SLC8A2: variants seen among roughly 807,000 people sequenced by gnomAD.
The protein encoded by SLC8A2 is sodium/calcium exchanger 2.
In SLC8A2, 14 loss-of-function variants were observed where a neutral mutation model predicts 70.2. That is an observed-to-expected ratio of 0.20 (90% CI 0.13 to 0.31). The LOEUF (loss-of-function observed/expected upper bound fraction) is 0.31. Ranked by LOEUF, SLC8A2 falls within the 10% of genes least tolerant of loss-of-function variation. The pLI is 1.00. For missense variants in SLC8A2, 779 were observed against 1,320.1 expected (o/e 0.59, Z 6.35); for synonymous variants, 575 against 594.3 (o/e 0.97, Z 0.47).
intron 6 of SLC8A2, among the ~76,000 whole-genome samples, chr19:47,439,622 C>CTTCCTTCCTTCCTTCCTT (rs1967075064): frequency 6.6e-6 from 1 of 150,416 alleles, no homozygotes; most frequent in African/African-American, 2.5e-5. Flanking sequence ...TCCTTTCTTC[C>CTTCCTTCCTTCCTTCCTT]TTCCTTCCTT....
intron 3 of SLC8A2, among the ~76,000 whole-genome samples, chr19:47,453,199 G>A (rs1447749128): frequency 1.3e-5 from 2 of 152,208 alleles, no homozygotes; most frequent in Non-Finnish European, 1.5e-5. Flanking sequence ...TCACAGGTGT[G>A]AACCTGTGGG....
intron 3 of SLC8A2, among the ~76,000 whole-genome samples, chr19:47,449,442 C>G (rs781510844): frequency 6.6e-6 from 1 of 152,156 alleles, no homozygotes; most frequent in Non-Finnish European, 1.5e-5. Flanking sequence ...CCACCTCAGC[C>G]TCCCGAGCAG....
chr19:47,457,827 C>CTCTT (rs371577732), intron 2 of SLC8A2, among the ~76,000 whole-genome samples: 3 of 135,816 alleles, frequency 2.2e-5, no homozygotes, highest in Non-Finnish European at 3.2e-5. Flanking sequence ...CTTTCTCTCT[C>CTCTT]TCTTTCTTTC....
Position 47,430,371 on chromosome 19 carries a change from A to G in SLC8A2, c.2484T>C (p.Leu828=), listed in dbSNP as rs1003231891. The change falls in exon 10 of 10, where the codon CTT becomes CTC. Residue 828 remains leucine, a synonymous_variant. Transcript: ENST00000236877. This position sits in a 1 kb window ranked among gnomAD's most constrained non-coding sequence, Gnocchi z 5.9. ...VTGSNAVNVF[L]GLGVAWSVAA... ...CCACAGACCAGGCGACGCCCAGGCC[A>G]AGGAACACGTTCACCGCGTTGGAGC... The G allele has an allele frequency of 1.1e-5, 18 of 1,611,766 alleles. No homozygotes were observed. Among genetic ancestry groups the G allele is most frequent in the Non-Finnish European group, 1.4e-5 (17 of 1,179,492 alleles).
chr19:47,440,691 G>C (rs1423650710), intron 6 of SLC8A2, among the ~76,000 whole-genome samples: 1 of 151,432 alleles, frequency 6.6e-6, no homozygotes, highest in Non-Finnish European at 1.5e-5. Context: ...TCCCGGGTTC[G>C]AGCGATTCTC....
At position 47,432,096 on chromosome 19, in the gene SLC8A2, G is replaced by C; in HGVS notation, c.2389+71C>G. 1.4e-6 allele frequency: 2 copies of C among 1,430,872 alleles called. No homozygotes were observed. The highest frequency in any genetic ancestry group is 1.9e-6 in the Non-Finnish European group (2 of 1,052,378). The allele number at this position is 1,430,872 out of a possible 1,614,324, so 88.6% of individuals were successfully genotyped here. A position where few individuals can be genotyped will look rare whatever the true frequency, so the allele number is the denominator to read the frequency against. ...TGTGTGACTCCACCCACCTCATTTT[G>C]GCAGGATCCTGTGTTGCCCCTGCCT... On this transcript the variant is annotated intron_variant, in intron 9 of 9. Transcript: ENST00000236877. The surrounding 1 kb of genome is among the most constrained non-coding windows in gnomAD (Gnocchi z 6.2).
At chr19:47,438,000 C>A in intron 6 of SLC8A2, 27 bp from the exon 7 acceptor site, 1 of 1,613,710 alleles carries the variant, frequency 6.2e-7, no homozygotes, top group Non-Finnish European at 8.5e-7. Context: ...GGGGGTTAGA[C>A]TCCTGGGAGA....
chr19:47,441,085 G>T, intron 6 of SLC8A2, 84 bp downstream of exon 6: 1 of 1,336,394 alleles, frequency 7.5e-7, no homozygotes, highest in Non-Finnish European at 1.1e-6. Flanking sequence ...CAACCTGGAA[G>T]AGTAGCTTTG....
In SLC8A2 at chr19:47,430,893, T is replaced by A. The variant is rs909822025; in HGVS notation, c.2390-428A>T. Among the ~76,000 whole-genome samples the A allele has an allele frequency of 6.6e-6, 1 of 152,024 alleles. No individual in the cohort carries two copies. The highest frequency in any genetic ancestry group is 2.4e-5 in the African/African-American group (1 of 41,378). ...GGCGCCCACCACGCCCTGCTAAGAT[T>A]TTGTGTTTTTAGTAGAGACGGGGTT... On this transcript the variant is annotated intron_variant, in intron 9 of 9. Coordinates refer to ENST00000236877, the MANE Select transcript of SLC8A2 (RefSeq NM_015063.3). The surrounding 1 kb of genome is among the most constrained non-coding windows in gnomAD (Gnocchi z 5.9).
Position 47,448,290 on chromosome 19 carries a change from G to T in SLC8A2, c.1341-59C>A. The T allele has an allele frequency of 5.2e-6, 7 of 1,338,920 alleles. No homozygotes were observed. In the South Asian group the frequency reaches 5.3e-5, roughly 10 times the overall value. The allele number at this position is 1,338,920 out of a possible 1,614,324, so 82.9% of individuals were successfully genotyped here. A position where few individuals can be genotyped will look rare whatever the true frequency, so the allele number is the denominator to read the frequency against. ...GAGGGTCGGTCATCGGCTGTGTGTT[G>T]TACGGGGGGAGTCTGGACGTGCTTC... On this transcript the variant is annotated intron_variant, in intron 3 of 9. Transcript: ENST00000236877. The surrounding 1 kb of genome is among the most constrained non-coding windows in gnomAD (Gnocchi z 4.8).
In SLC8A2 at chr19:47,466,179, G is replaced by A; in HGVS notation, c.225C>T (p.Tyr75=). ...GAAACATGTAGACCATGGCCACAAA[G>A]TACACCACTGCCCGTGCCGCCTTGT... ...LGDKAARAVV[Y]FVAMVYMFLG... Residue 75 remains tyrosine, a synonymous_variant, in exon 2 of 10, where the codon TAC becomes TAT. Transcript: ENST00000236877. The surrounding 1 kb of genome is among the most constrained non-coding windows in gnomAD (Gnocchi z 6.9). 1 of 1,614,166 alleles carries A rather than the reference G, an allele frequency of 6.2e-7. No individual in the cohort carries two copies. The highest frequency in any genetic ancestry group is 8.5e-7 in the Non-Finnish European group (1 of 1,180,012).
chr19:47,433,615 A>G (rs2122612522), intron 8 of SLC8A2, among the ~76,000 whole-genome samples: 1 of 149,878 alleles, frequency 6.7e-6, no homozygotes, highest in South Asian at 2.1e-4. Flanking sequence ...TGTATCACCT[A>G]TTGTGACCTA....
intron 4 of SLC8A2, among the ~76,000 whole-genome samples, chr19:47,446,976 C>G (rs1459302752): frequency 6.6e-6 from 1 of 152,124 alleles, no homozygotes; most frequent in Non-Finnish European, 1.5e-5. Context: ...AATCCCAGCC[C>G]TCAGGCTCCC....
At chr19:47,470,025 C>T (rs546929306) in intron 1 of SLC8A2, among the ~76,000 whole-genome samples, 1 of 152,278 alleles carries the variant, frequency 6.6e-6, no homozygotes, top group Admixed American at 6.5e-5. Flanking sequence ...CACAGTGGGG[C>T]GGCAAGGGAG....
At chr19:47,451,132 C>G (rs960210210) in intron 3 of SLC8A2, among the ~76,000 whole-genome samples, 1 of 150,810 alleles carries the variant, frequency 6.6e-6, no homozygotes, top group African/African-American at 2.5e-5. Context: ...CCTCAGCCTT[C>G]CAAGTAGCTG....
At position 47,457,746 on chromosome 19, in the gene SLC8A2, T is replaced by TTTTCTTTC. The variant is rs369580416; in HGVS notation, c.676-160_676-153dup. ...GTCTCTCCCTATCCCTTTCTGTTTC[T>TTTTCTTTC]TTTCTTTCTTTCTTTCTTTCCTTTC... On this transcript the variant is annotated intron_variant, in intron 2 of 9. Transcript: ENST00000236877. 8 of 379,830 alleles carry TTTTCTTTC rather than the reference T, an allele frequency of 2.1e-5. No homozygotes were observed. In the East Asian group the frequency reaches 2.6e-4, roughly 12 times the overall value. 23.5% of individuals were successfully genotyped at this position (379,830 alleles called of 1,614,324 possible).
rs1568443492 is a variant in SLC8A2, at chr19:47,448,247, G to A, written c.1341-16C>T. 1 of 1,574,878 alleles carries A rather than the reference G, an allele frequency of 6.3e-7. No individual in the cohort carries two copies. The highest frequency in any genetic ancestry group is 8.6e-7 in the Non-Finnish European group (1 of 1,157,382). Reference sequence around the variant, plus strand: ...CGTGCCCTCGCTGCGGCGGGGTGGGGAGGGGGAAGAGCGGGGTGAGGGTCG... The same window carrying A: ...CGTGCCCTCGCTGCGGCGGGGTGGGAAGGGGGAAGAGCGGGGTGAGGGTCG... On this transcript the variant is annotated splice_polypyrimidine_tract_variant and intron_variant, in intron 3 of 9. Transcript: ENST00000236877. This position sits in a 1 kb window ranked among gnomAD's most constrained non-coding sequence, Gnocchi z 4.8.
At chr19:47,446,122 C>G (rs1967158446) in intron 4 of SLC8A2, among the ~76,000 whole-genome samples, 1 of 151,938 alleles carries the variant, frequency 6.6e-6, no homozygotes, top group Non-Finnish European at 1.5e-5. Flanking sequence ...GAGTGCTGCC[C>G]GAGGCGGAAG....
chr19:47,456,754 C>T (rs1967307759), intron 3 of SLC8A2, among the ~76,000 whole-genome samples, 176 bp downstream of exon 3: 1 of 152,190 alleles, frequency 6.6e-6, no homozygotes, highest in South Asian at 2.1e-4. Flanking sequence ...AGGTGTGTGC[C>T]CCACGTCTAG....
Sources: allele counts gnomAD v4.1 joint callset (sites outside exome capture counted in the v4.1 genomes callset), GRCh38; gene constraint gnomAD v4.1.1; non-coding constraint Gnocchi (gnomAD v3.1); transcripts MANE v1.5; gene names NCBI Gene and HGNC (gene_info 2026-07-23, HGNC 2026-07-21).